TMEM182: variants seen among roughly 807,000 people sequenced by gnomAD.
TMEM182 encodes transmembrane protein 182.
In TMEM182, 20 loss-of-function variants were observed where a neutral mutation model predicts 26.8. That is an observed-to-expected ratio of 0.75 (90% CI 0.53 to 1.09). TMEM182 has a LOEUF of 1.09. TMEM182 is among the 50% of genes least tolerant of loss of function. TMEM182 has a pLI of 0.00. For synonymous variants in TMEM182, 109 were observed against 102.2 expected (o/e 1.07, Z -0.40); for missense variants, 277 against 275.5 (o/e 1.01, Z -0.04).
In TMEM182 at chr2:102,815,019, C is replaced by A. The variant is rs762016914; in HGVS notation, c.*51C>A. The A allele has an allele frequency of 6.3e-7, 1 of 1,595,562 alleles. No homozygotes were observed. The highest frequency in any genetic ancestry group is 8.5e-7 in the Non-Finnish European group (1 of 1,170,942). ...TTGAGAGATTTTAAAACAAGGAATA[C>A]TTTTTTTCCATTTTGTTTCATTGAT... On this transcript the variant is annotated 3_prime_UTR_variant, in exon 5 of 5. Coordinates refer to ENST00000412401, the MANE Select transcript of TMEM182 (RefSeq NM_144632.5).
At chr2:102,828,465 A>C (rs1044963602) in intron 3 of TMEM182, among the ~76,000 whole-genome samples, 1 of 152,248 alleles carries the variant, frequency 6.6e-6, no homozygotes, top group African/African-American at 2.4e-5. Flanking sequence ...CGCCAGCTCA[A>C]GTCCCAGGTT....
intron 3 of TMEM182, among the ~76,000 whole-genome samples, chr2:102,791,258 C>T (rs1681622298): frequency 6.6e-6 from 1 of 152,012 alleles, no homozygotes; most frequent in Non-Finnish European, 1.5e-5. Context: ...AAATAAACAA[C>T]AGAATACTTC....
intron 3 of TMEM182, among the ~76,000 whole-genome samples, chr2:102,777,459 G>A (rs1232318904): frequency 2.0e-5 from 3 of 147,196 alleles, no homozygotes; most frequent in African/African-American, 5.0e-5. Context: ...ATTTGTGTAG[G>A]TCTCTTTCTG....
chr2:102,798,839 A>T (rs1681992524), intron 4 of TMEM182, among the ~76,000 whole-genome samples: 1 of 145,212 alleles, frequency 6.9e-6, no homozygotes, highest in Admixed American at 6.9e-5. Context: ...GACTTTGTCT[A>T]AAAAAAAAAA....
Position 102,816,954 on chromosome 2 carries a change from A to G in TMEM182, c.*1986A>G. Reference sequence around the variant, plus strand: ...TTTATAGTACACTTAAGTGGCTACCATATATTTTTTATATGACAATTGGCT... The same window carrying G: ...TTTATAGTACACTTAAGTGGCTACCGTATATTTTTTATATGACAATTGGCT... On this transcript the variant is annotated 3_prime_UTR_variant, in exon 5 of 5. Coordinates refer to ENST00000412401, the MANE Select transcript of TMEM182 (RefSeq NM_144632.5). The G allele has an allele frequency of 2.0e-6, 2 of 985,790 alleles. No homozygotes were observed. The highest frequency in any genetic ancestry group is 2.4e-6 in the Non-Finnish European group (2 of 829,872). 61.1% of individuals were successfully genotyped at this position (985,790 alleles called of 1,614,324 possible). A position where few individuals can be genotyped will look rare whatever the true frequency, so the allele number is the denominator to read the frequency against.
At chr2:102,828,835 C>T (rs1234192514) in intron 3 of TMEM182, among the ~76,000 whole-genome samples, 1 of 152,042 alleles carries the variant, frequency 6.6e-6, no homozygotes, top group Non-Finnish European at 1.5e-5. Flanking sequence ...TTAGAAGCAA[C>T]TGGAAAATGA....
intron 3 of TMEM182, chr2:102,775,545 T>G (rs915716379): frequency 6.6e-6 from 1 of 152,140 alleles, no homozygotes; most frequent in African/African-American, 2.4e-5. Flanking sequence ...CCAGGGCAAT[T>G]AGACAGGAGA....
intron 3 of TMEM182, among the ~76,000 whole-genome samples, chr2:102,840,401 C>T (rs1220487099): frequency 3.3e-5 from 5 of 152,154 alleles, no homozygotes; most frequent in East Asian, 1.9e-4. Context: ...ACTCCGTCTT[C>T]GCATATAACT....
chr2:102,740,449 G>A (rs1172185008), intron 1 of TMEM182, among the ~76,000 whole-genome samples: 1 of 152,038 alleles, frequency 6.6e-6, no homozygotes, highest in Non-Finnish European at 1.5e-5. Flanking sequence ...GGACATGTTT[G>A]CTTCCCCTTC....
intron 3 of TMEM182, among the ~76,000 whole-genome samples, chr2:102,839,473 T>TATATATATATA (rs1683308493): frequency 3.1e-5 from 3 of 96,980 alleles, no homozygotes; most frequent in South Asian, 7.5e-4. Flanking sequence ...ATATATATAA[T>TATATATATATA]ATATACACAC....
chr2:102,760,013 G>A (rs1183992110), upstream of TMEM182, among the ~76,000 whole-genome samples: 3 of 152,174 alleles, frequency 2.0e-5, no homozygotes, highest in African/African-American at 7.2e-5. Flanking sequence ...TCATAGATTA[G>A]GATTAGGGCA....
intron 1 of TMEM182, among the ~76,000 whole-genome samples, chr2:102,738,829 A>T (rs1221151758): frequency 6.6e-6 from 1 of 152,186 alleles, no homozygotes; most frequent in Non-Finnish European, 1.5e-5. Context: ...TTAGACTCAA[A>T]GATGGCCTAT....
Position 102,797,876 on chromosome 2 carries a change from C to A in TMEM182, c.345C>A (p.Phe115Leu). 1.9e-6 allele frequency: 3 copies of A among 1,612,742 alleles called. No individual in the cohort carries two copies. In the African/African-American group the frequency reaches 4.0e-5, roughly 22 times the overall value. ...TGGGGTCTCCAGTTTACCGTGGTTT[C>A]TGGGCAGTCCTGATGCTCCTGGGGG... ...SYDSAVIYRG[F>L]WAVLMLLGVV... Residue 115 changes from phenylalanine (F) to leucine (L), a missense_variant, in exon 4 of 5, where the codon TTC becomes TTA. Transcript: ENST00000412401.
chr2:102,831,009 C>G (rs1683138718), intron 3 of TMEM182, among the ~76,000 whole-genome samples: 1 of 152,184 alleles, frequency 6.6e-6, no homozygotes, highest in Non-Finnish European at 1.5e-5. Flanking sequence ...GATCCAGTTC[C>G]ATCCATGTTA....
downstream of TMEM182, chr2:102,817,738 C>T (rs1682804500): frequency 1.0e-6 from 1 of 980,440 alleles, no homozygotes; most frequent in Non-Finnish European, 1.2e-6. Flanking sequence ...TATATGGGTG[C>T]ATGTCTGTGT....
At chr2:102,770,298 A>G (rs1680618555) in intron 3 of TMEM182, among the ~76,000 whole-genome samples, 2 of 152,162 alleles carry the variant, frequency 1.3e-5, no homozygotes, top group African/African-American at 2.4e-5. Flanking sequence ...CAATGATGCA[A>G]AAGTTCTTGG....
At position 102,768,079 on chromosome 2, in the gene TMEM182, A is replaced by G. The variant is rs182139936; in HGVS notation, c.331+3652A>G. Among the ~76,000 whole-genome samples the G allele has an allele frequency of 7.9e-5, 12 of 152,314 alleles. No homozygotes were observed. In the East Asian group the frequency reaches 1.9e-3, roughly 24 times the overall value. On this transcript the variant is annotated intron_variant, in intron 3 of 4. Transcript: ENST00000412401. ...CCTTACCTGCCCCTACGCCACTGGT[A>G]CATGCACTGGGCCATGCTCTCCTTT...
chr2:102,831,065 C>G (rs1306076378), intron 3 of TMEM182, among the ~76,000 whole-genome samples: 1 of 152,138 alleles, frequency 6.6e-6, no homozygotes. Context: ...GAAGAGTACT[C>G]CATTGTGTGT....
chr2:102,809,327 A>C (rs1188101159), intron 4 of TMEM182, among the ~76,000 whole-genome samples: 1 of 152,270 alleles, frequency 6.6e-6, no homozygotes, highest in East Asian at 1.9e-4. Flanking sequence ...CTTCTTCAAA[A>C]ATTACAGTAA....
Sources: allele counts gnomAD v4.1 joint callset (sites outside exome capture counted in the v4.1 genomes callset), GRCh38; gene constraint gnomAD v4.1.1; transcripts MANE v1.5; gene names NCBI Gene and HGNC (gene_info 2026-07-23, HGNC 2026-07-21).